FDFT1: variants seen among roughly 807,000 people sequenced by gnomAD.
FDFT1 encodes squalene synthase.
In FDFT1, 68 loss-of-function variants were observed where a neutral mutation model predicts 46.8. The ratio of observed to expected loss-of-function variants is 1.45; its 90% CI spans 1.19 to 1.78. The LOEUF (loss-of-function observed/expected upper bound fraction) is 1.78, where lower values mean the gene tolerates loss of function less well. Ranked by LOEUF, FDFT1 falls within the 40% of genes most tolerant of loss-of-function variation. The pLI is 0.00. For missense variants in FDFT1, 928 were observed against 524.4 expected (o/e 1.77, Z -7.52); for synonymous variants, 351 against 185.1 (o/e 1.90, Z -7.28).
intron 3 of FDFT1, among the ~76,000 whole-genome samples, chr8:11,813,910 C>G (rs539219161): frequency 8.5e-5 from 13 of 152,300 alleles, no homozygotes; most frequent in Admixed American, 5.2e-4. Flanking sequence ...CCTGTCCATC[C>G]TCTGGGTTTC....
At chr8:11,824,242 G>A (rs1423529960) in intron 4 of FDFT1, among the ~76,000 whole-genome samples, 1 of 152,074 alleles carries the variant, frequency 6.6e-6, no homozygotes, top group Non-Finnish European at 1.5e-5. Context: ...GACAATTATT[G>A]TATGTGGATA....
chr8:11,831,216 C>G (rs374193376), intron 6 of FDFT1, among the ~76,000 whole-genome samples: 5 of 152,170 alleles, frequency 3.3e-5, no homozygotes, highest in East Asian at 1.9e-4. Context: ...ATCCATTGCT[C>G]TAGCATGGAA....
At chr8:11,803,492 A>G (rs1271468707) in intron 1 of FDFT1, 13 of 1,244,898 alleles carry the variant, frequency 1.0e-5, no homozygotes, top group African/African-American at 6.2e-5. Context: ...TCTAACGTCT[A>G]TGGATTAGCT....
chr8:11,814,564 A>G (rs925471573), intron 3 of FDFT1, among the ~76,000 whole-genome samples: 1 of 152,168 alleles, frequency 6.6e-6, no homozygotes, highest in South Asian at 2.1e-4. Flanking sequence ...AAGACTTCCC[A>G]TGGTGTTTTT....
intron 5 of FDFT1, 44 bp from the exon 6 acceptor site, chr8:11,830,200 C>G (rs779791237): frequency 2.8e-6 from 4 of 1,452,840 alleles, no homozygotes; most frequent in Non-Finnish European, 3.9e-6. Context: ...AAATTCTCCC[C>G]TATGCACACG....
At chr8:11,812,072 C>T (rs1176083122) in intron 3 of FDFT1, among the ~76,000 whole-genome samples, 1 of 152,240 alleles carries the variant, frequency 6.6e-6, no homozygotes, top group Non-Finnish European at 1.5e-5. Flanking sequence ...TGGCCTCACA[C>T]ACAGTACTGC....
chr8:11,824,480 T>C (rs1809688851), intron 4 of FDFT1, among the ~76,000 whole-genome samples: 1 of 152,188 alleles, frequency 6.6e-6, no homozygotes, highest in African/African-American at 2.4e-5. Context: ...TTTTGAACTC[T>C]TAGCCCCTGC....
At chr8:11,832,021 G>A (rs1403363678) in intron 7 of FDFT1, among the ~76,000 whole-genome samples, 4 of 152,156 alleles carry the variant, frequency 2.6e-5, no homozygotes, top group Non-Finnish European at 5.9e-5. Flanking sequence ...CTGATGCAGT[G>A]CGTGATTGAG....
chr8:11,805,164 A>C (rs1306807377), intron 1 of FDFT1, among the ~76,000 whole-genome samples: 1 of 146,010 alleles, frequency 6.8e-6, no homozygotes, highest in Non-Finnish European at 1.5e-5. Flanking sequence ...CGATTTTCCC[A>C]CCTCAGCCTT....
At chr8:11,831,779 T>G in intron 7 of FDFT1, 109 bp downstream of exon 7, 2 of 952,936 alleles carry the variant, frequency 2.1e-6, no homozygotes, top group Non-Finnish European at 3.3e-6. Context: ...TTCACTATCC[T>G]GTGGCCTAAA....
At position 11,808,812 on chromosome 8, in the gene FDFT1, C is replaced by T. The variant is rs150390149; in HGVS notation, c.118C>T (p.Leu40=). ...KMDQDSLSSS[L]KTCYKYLNQT... is the part of the protein sequence containing the mutation. ...CCCGCAGGACTCGCTCAGCAGCAGC[C>T]TGAAAACTTGCTACAAGTATCTCAA... Residue 40 remains leucine, a synonymous_variant, in exon 2 of 8, where the codon CTG becomes TTG. Coordinates refer to ENST00000220584, the MANE Select transcript of FDFT1 (RefSeq NM_004462.5). The T allele has an allele frequency of 3.0e-5, 48 of 1,613,932 alleles. No homozygotes were observed. The highest frequency in any genetic ancestry group is 2.1e-4 in the African/African-American group (16 of 75,066).
upstream of FDFT1, among the ~76,000 whole-genome samples, chr8:11,799,019 A>G (rs1032000378): frequency 2.6e-5 from 4 of 152,230 alleles, no homozygotes; most frequent in African/African-American, 9.6e-5. Flanking sequence ...TACATATTTA[A>G]CAGATTACAA....
At position 11,825,971 on chromosome 8, in the gene FDFT1, C is replaced by A. The variant is rs1809914461; in HGVS notation, c.511-53C>A. The A allele has an allele frequency of 2.8e-5, 37 of 1,311,556 alleles. No homozygotes were observed. The South Asian group carries it at 5.6e-4, about 20-fold the overall frequency. 81.2% of individuals were successfully genotyped at this position (1,311,556 alleles called of 1,614,324 possible). On this transcript the variant is annotated intron_variant, in intron 4 of 7. Coordinates refer to ENST00000220584, the MANE Select transcript of FDFT1 (RefSeq NM_004462.5). ...TTGTAGCTAATGATCTCTAGTGTGT[C>A]CATTTCAGTAAAAATTCCATTATTA... is the stretch of plus-strand genomic sequence containing the variant.
intron 3 of FDFT1, among the ~76,000 whole-genome samples, chr8:11,816,387 T>C (rs931840925): frequency 2.6e-5 from 4 of 152,214 alleles, no homozygotes; most frequent in African/African-American, 9.6e-5. Context: ...TAAAGTAGTT[T>C]TTTCCAATTC....
At chr8:11,838,093 G>A (rs1343026580) in intron 7 of FDFT1, among the ~76,000 whole-genome samples, 2 of 152,218 alleles carry the variant, frequency 1.3e-5, no homozygotes, top group Non-Finnish European at 2.9e-5. Context: ...ACTGTGAGGT[G>A]CTGGGGATGT....
intron 1 of FDFT1, chr8:11,808,427 G>C: frequency 7.9e-7 from 1 of 1,261,276 alleles, no homozygotes; most frequent in Non-Finnish European, 9.9e-7. Context: ...GCGTATTCGA[G>C]TAGAGGGCGA....
In FDFT1 at chr8:11,812,815, A is replaced by G. The variant is rs550563771; in HGVS notation, c.381+2965A>G. On this transcript the variant is annotated intron_variant, in intron 3 of 7. Transcript: ENST00000220584. ...CCTGATCCTTTATACTTTAGTGATCATTAGTTGATACCAGTTCAAGTCAGG... is the reference window on the plus strand; with the variant it reads ...CCTGATCCTTTATACTTTAGTGATCGTTAGTTGATACCAGTTCAAGTCAGG... 1.1e-4 allele frequency among the ~76,000 whole-genome samples: 16 copies of G among 152,332 alleles called. No homozygotes were observed. In the South Asian group the frequency reaches 3.3e-3, roughly 32 times the overall value.
intron 7 of FDFT1, among the ~76,000 whole-genome samples, chr8:11,836,723 T>C (rs10093369): frequency 1.3e-5 from 2 of 152,266 alleles, no homozygotes; most frequent in African/African-American, 4.8e-5. Context: ...CTATATATTT[T>C]ACTTTATGGA....
chr8:11,809,061 C>CA (rs1807332256), intron 2 of FDFT1, 170 bp downstream of exon 2: 1 of 1,329,498 alleles, frequency 7.5e-7, no homozygotes, highest in East Asian at 2.6e-5. Context: ...CTTCCAGGCT[C>CA]TTTGCCATCT....
Sources: gnomAD v4.1 joint callset for allele counts (sites outside exome capture counted in the v4.1 genomes callset) on GRCh38, gnomAD v4.1.1 for gene constraint, MANE v1.5 for transcripts, NCBI Gene and HGNC (gene_info 2026-07-23, HGNC 2026-07-21) for gene names.